Variants in SFI1 observed in about 807,000 individuals in gnomAD.
The protein encoded by SFI1 is protein SFI1 homolog.
A neutral mutation model predicts 207.5 loss-of-function variants in SFI1; 195 were observed. That is an observed-to-expected ratio of 0.94 (90% CI 0.84 to 1.06). The LOEUF (loss-of-function observed/expected upper bound fraction) is 1.06, where lower values mean the gene tolerates loss of function less well. SFI1 is among the 50% of genes least tolerant of loss of function. SFI1 has a pLI of 0.00. For synonymous variants in SFI1, 630 were observed against 598.9 expected, an observed-to-expected ratio of 1.05 and a Z score of -0.76; for missense variants, 1,634 against 1,588.0, an observed-to-expected ratio of 1.03 and a Z score of -0.49.
At chr22:31,543,636 C>A (rs1053522217) in intron 4 of SFI1, among the ~76,000 whole-genome samples, 9 of 151,628 alleles carry the variant, frequency 5.9e-5, no homozygotes, top group African/African-American at 2.2e-4. Flanking sequence ...GTGGCAAAAC[C>A]CCATCTTTAC....
chr22:31,565,896 C>T (rs938356969), intron 8 of SFI1, among the ~76,000 whole-genome samples: 1 of 151,980 alleles, frequency 6.6e-6, no homozygotes, highest in Non-Finnish European at 1.5e-5. Context: ...CTTGAACTCA[C>T]GGCCTCAAGC....
intron 3 of SFI1, among the ~76,000 whole-genome samples, chr22:31,529,988 G>A (rs999409361): frequency 6.6e-6 from 1 of 150,660 alleles, no homozygotes; most frequent in Non-Finnish European, 1.5e-5. Flanking sequence ...GGCTAACACA[G>A]TGAAACCCCG....
intron 4 of SFI1, chr22:31,538,499 G>A (rs140925727): frequency 0.012 from 1,774 of 154,066 alleles, 12 homozygotes; most frequent in Middle Eastern, 0.032. Flanking sequence ...CTTCATATAT[G>A]GCTTGGGTAG....
At chr22:31,596,265 C>A (rs757242184) in intron 15 of SFI1, among the ~76,000 whole-genome samples, 6 of 150,830 alleles carry the variant, frequency 4.0e-5, no homozygotes, top group Admixed American at 1.3e-4. Context: ...AAATAAATAT[C>A]TCTCTCTCTC....
Position 31,602,672 on chromosome 22 carries a change from A to C in SFI1, c.1692A>C (p.Ala564=), listed in dbSNP as rs2068306395. The C allele has an allele frequency of 6.2e-7, 1 of 1,614,238 alleles. No homozygotes were observed. Among genetic ancestry groups the C allele is most frequent in the Non-Finnish European group, 8.5e-7 (1 of 1,180,042 alleles). Residue 564 remains alanine (A), a synonymous_variant, in exon 17 of 33, where the codon GCA becomes GCC. Coordinates refer to ENST00000400288, the MANE Select transcript of SFI1 (RefSeq NM_001007467.3). The part of the protein sequence containing the change: ...RSWFMWHQQA[A]ARHQEQEWQT... Reference sequence around the variant, plus strand: ...GGTTCATGTGGCACCAGCAGGCAGCAGCACGTCACCAGGAGCAGGAGTGGC... The same window carrying C: ...GGTTCATGTGGCACCAGCAGGCAGCCGCACGTCACCAGGAGCAGGAGTGGC...
At chr22:31,509,526 T>C (rs1224067772) in intron 2 of SFI1, among the ~76,000 whole-genome samples, 1 of 152,212 alleles carries the variant, frequency 6.6e-6, no homozygotes, top group Non-Finnish European at 1.5e-5. Context: ...CAGCTTCTCC[T>C]ACCTTCTGCC....
intron 12 of SFI1, 22 bp downstream of exon 12, chr22:31,580,386 A>C (rs776371680): frequency 6.3e-7 from 1 of 1,589,462 alleles, no homozygotes; most frequent in Non-Finnish European, 8.6e-7. Flanking sequence ...CTTCTGTATC[A>C]AGGGACCTCT....
chr22:31,564,980 A>AT (rs71746917), intron 8 of SFI1, among the ~76,000 whole-genome samples: 8,022 of 141,490 alleles, frequency 0.057, 297 homozygotes, highest in South Asian at 0.11. Flanking sequence ...CGCCTGGCTA[A>AT]TTTTTTTTTT....
At position 31,575,332 on chromosome 22, in the gene SFI1, C is replaced by T. The variant is rs755201830; in HGVS notation, c.1024C>T (p.Gln342Ter). The change falls in exon 10 of 33, where the codon CAG (glutamine) becomes TAG (stop). Residue 342 changes from glutamine (Q) to a stop codon, truncating the protein, a stop_gained. Coordinates refer to ENST00000400288, the MANE Select transcript of SFI1 (RefSeq NM_001007467.3). LOFTEE classifies it high-confidence loss of function. ...RRESLYAHHA[Q>*]VEKLARKMAL... is the part of the protein sequence containing the mutation. ...GGAGAGCTTGTACGCTCACCATGCC[C>T]AGGTGGAGAAACTGGCCAGGAAGAT... The T allele has an allele frequency of 3.1e-6, 5 of 1,613,178 alleles. No homozygotes were observed. In the South Asian group the frequency reaches 3.3e-5, roughly 11 times the overall value.
Position 31,609,240 on chromosome 22 carries a change from C to T in SFI1, c.2254+1207C>T, listed in dbSNP as rs1012170533. Reference sequence around the variant, plus strand: ...GTCTCGATCTCCTCACCTCGTGATCCGTCCGTCTCGGCCTCCCAAAGTGCT... The same window carrying T: ...GTCTCGATCTCCTCACCTCGTGATCTGTCCGTCTCGGCCTCCCAAAGTGCT... On this transcript the variant is annotated intron_variant, in intron 22 of 32. Coordinates refer to ENST00000400288, the MANE Select transcript of SFI1 (RefSeq NM_001007467.3). Among the ~76,000 whole-genome samples, 21 of 152,084 alleles carry T rather than the reference C, an allele frequency of 1.4e-4. 1 individual carries two copies. Among genetic ancestry groups the T allele is most frequent in the Non-Finnish European group, 7.3e-5 (5 of 68,030 alleles).
At chr22:31,614,239 AG>A (rs2070947164) in intron 27 of SFI1, 1 of 339,856 alleles carries the variant, frequency 2.9e-6, no homozygotes, top group Non-Finnish European at 5.6e-6. Flanking sequence ...ATCACAGCCA[AG>A]ACACTGGCTT....
intron 15 of SFI1, among the ~76,000 whole-genome samples, chr22:31,593,087 A>C (rs1412830890): frequency 2.0e-5 from 2 of 98,302 alleles, no homozygotes; most frequent in Non-Finnish European, 2.1e-5. Context: ...GGGGGGGCTG[A>C]CCCCCCACCT....
At chr22:31,606,620 A>G in intron 21 of SFI1, 190 bp downstream of exon 21, 1 of 545,124 alleles carries the variant, frequency 1.8e-6, no homozygotes, top group Non-Finnish European at 3.3e-6. Context: ...ATTACAAACC[A>G]ATATGCATTA....
intron 4 of SFI1, among the ~76,000 whole-genome samples, chr22:31,541,534 T>C (rs2059489600): frequency 6.7e-6 from 1 of 149,456 alleles, no homozygotes; most frequent in South Asian, 2.1e-4. Flanking sequence ...TGGAAGTGGA[T>C]CACAAGGTCA....
chr22:31,543,829 A>G (rs11913486), intron 4 of SFI1, among the ~76,000 whole-genome samples: 3,075 of 151,460 alleles, frequency 0.02, 99 homozygotes, highest in African/African-American at 0.07. Flanking sequence ...AAAAAAAGAA[A>G]AAAAACTATG....
intron 15 of SFI1, among the ~76,000 whole-genome samples, chr22:31,594,375 C>CCA (rs2066727015): frequency 1.3e-5 from 2 of 151,216 alleles, no homozygotes; most frequent in African/African-American, 2.4e-5. Flanking sequence ...TGGTGAAACC[C>CCA]TCTCTTTACT....
At chr22:31,498,696 G>A (rs753561658) in intron 1 of SFI1, among the ~76,000 whole-genome samples, 2 of 151,838 alleles carry the variant, frequency 1.3e-5, no homozygotes, top group African/African-American at 2.4e-5. Context: ...GTTGAGTCAG[G>A]CCGCCATGGA....
At position 31,602,793 on chromosome 22, in the gene SFI1, G is replaced by A; in HGVS notation, c.1805+8G>A. The A allele has an allele frequency of 3.1e-6, 5 of 1,611,674 alleles. No individual in the cohort carries two copies. The highest frequency in any genetic ancestry group is 4.2e-6 in the Non-Finnish European group (5 of 1,179,224). Reference sequence around the variant, plus strand: ...CCAAGGGCTCAGAACAGAGTGAGTGGCCAGTTCTGCCTTACAAGCCTTTCC... The same window carrying A: ...CCAAGGGCTCAGAACAGAGTGAGTGACCAGTTCTGCCTTACAAGCCTTTCC... On this transcript the variant is annotated splice_region_variant and intron_variant, in intron 17 of 32. Coordinates refer to ENST00000400288, the MANE Select transcript of SFI1 (RefSeq NM_001007467.3).
chr22:31,529,025 CT>C (rs1199556105), intron 3 of SFI1, 162 bp downstream of exon 3: 2 of 615,312 alleles, frequency 3.3e-6, no homozygotes, highest in Non-Finnish European at 5.4e-6. Context: ...ATTCAGGAAC[CT>C]GCAGACATAA....
Sources: allele counts gnomAD v4.1 joint callset (sites outside exome capture counted in the v4.1 genomes callset), GRCh38; gene constraint gnomAD v4.1.1; transcripts MANE v1.5; gene names NCBI Gene and HGNC (gene_info 2026-07-23, HGNC 2026-07-21).